Variants in FIG4 observed in about 807,000 individuals in gnomAD.
FIG4 encodes the protein polyphosphoinositide phosphatase.
In FIG4, 112 loss-of-function variants were observed where a neutral mutation model predicts 118.6. That is an observed-to-expected ratio of 0.94 (90% CI 0.81 to 1.11). FIG4 has a LOEUF of 1.11. FIG4 is among the 50% of genes least tolerant of loss of function. The pLI is 0.00. For synonymous variants in FIG4, 369 were observed against 381.2 expected, an observed-to-expected ratio of 0.97 and a Z score of 0.37; for missense variants, 969 against 1,111.7, an observed-to-expected ratio of 0.87 and a Z score of 1.83.
chr6:109,756,435 G>A (rs1262850683), intron 10 of FIG4, among the ~76,000 whole-genome samples: 1 of 151,792 alleles, frequency 6.6e-6, no homozygotes, highest in Non-Finnish European at 1.5e-5. Flanking sequence ...TCTTCTCGAG[G>A]AGTATCTTTG....
intron 5 of FIG4, among the ~76,000 whole-genome samples, chr6:109,734,361 C>A (rs992658396): frequency 6.6e-6 from 1 of 150,906 alleles, no homozygotes; most frequent in Non-Finnish European, 1.5e-5. Context: ...TATATACACA[C>A]ACACACTATA....
At chr6:109,822,912 GTA>G (rs143212020) in intron 22 of FIG4, among the ~76,000 whole-genome samples, 5 of 145,912 alleles carry the variant, frequency 3.4e-5, no homozygotes, top group South Asian at 2.1e-4. Context: ...TAGTGTGTGT[GTA>G]TATATATATA....
chr6:109,700,507 A>G (rs1220977991), intron 1 of FIG4, among the ~76,000 whole-genome samples: 1 of 152,254 alleles, frequency 6.6e-6, no homozygotes, highest in Non-Finnish European at 1.5e-5. Flanking sequence ...TTAGAATGGC[A>G]AAGATTTGCC....
At chr6:109,695,724 A>G (rs556660361) in intron 1 of FIG4, among the ~76,000 whole-genome samples, 290 of 152,222 alleles carry the variant, frequency 1.9e-3, no homozygotes, top group Admixed American at 5.0e-3. Flanking sequence ...TGACTTTAGG[A>G]TCATACTGGT....
chr6:109,799,363 GGT>G (rs148620264), intron 22 of FIG4, among the ~76,000 whole-genome samples: 1,951 of 152,042 alleles, frequency 0.013, 47 homozygotes, highest in African/African-American at 0.045. Flanking sequence ...GTGTTTTTGG[GGT>G]GTGTGTGTGT....
chr6:109,786,660 C>A (rs1777967985), intron 18 of FIG4, among the ~76,000 whole-genome samples: 1 of 152,114 alleles, frequency 6.6e-6, no homozygotes, highest in African/African-American at 2.4e-5. Context: ...GATTTCTCCC[C>A]TTTGATAGGT....
rs563968126 is a variant in FIG4 at position 109,712,519 on chromosome 6, C to T, written c.67-2559C>T. On this transcript the variant is annotated intron_variant, in intron 1 of 22. Coordinates refer to ENST00000230124, the MANE Select transcript of FIG4 (RefSeq NM_014845.6). ...CTTCAAGCTCTGAGATTCTTTCCTC[C>T]GCTTGGTCTGTTCTGCTATTAGTAC... Among the ~76,000 whole-genome samples the T allele has an allele frequency of 1.9e-4, 29 of 152,148 alleles. No individual in the cohort carries two copies. The South Asian group carries it at 2.1e-3, about 11-fold the overall frequency.
At chr6:109,743,543 A>C (rs573760231) in intron 9 of FIG4, 132 bp from the exon 10 acceptor site, 2 of 745,290 alleles carry the variant, frequency 2.7e-6, no homozygotes, top group Non-Finnish European at 4.7e-6. Flanking sequence ...TGAGCATCTT[A>C]AGAAGGATTT....
In FIG4 at chr6:109,786,125, A is replaced by C. The variant is rs118143037; in HGVS notation, c.1949-177A>C. 2.5e-3 allele frequency: 1,494 copies of C among 608,664 alleles called. 33 individuals carry two copies. The East Asian group carries it at 0.041, about 17-fold the overall frequency. The allele number at this position is 608,664 out of a possible 1,614,324, so 37.7% of individuals were successfully genotyped here. Reference sequence around the variant, plus strand: ...CAGCTTTGCATTGTATTTTCTATGCATCTATCTCATCTCCTTTCTAACTGT... The same window carrying C: ...CAGCTTTGCATTGTATTTTCTATGCCTCTATCTCATCTCCTTTCTAACTGT... On this transcript the variant is annotated intron_variant, in intron 17 of 22. Coordinates refer to ENST00000230124, the MANE Select transcript of FIG4 (RefSeq NM_014845.6).
chr6:109,760,676 T>G (rs1273714142), intron 11 of FIG4, among the ~76,000 whole-genome samples: 1 of 152,220 alleles, frequency 6.6e-6, no homozygotes, highest in African/African-American at 2.4e-5. Context: ...GTCTCACTAT[T>G]TAAACACTTT....
intron 18 of FIG4, among the ~76,000 whole-genome samples, chr6:109,787,397 T>A (rs1202132419): frequency 6.6e-6 from 1 of 152,190 alleles, no homozygotes; most frequent in Non-Finnish European, 1.5e-5. Context: ...TTTCAGATAG[T>A]TAGGAACAGT....
At chr6:109,770,287 C>T (rs1489803937) in intron 15 of FIG4, among the ~76,000 whole-genome samples, 1 of 151,686 alleles carries the variant, frequency 6.6e-6, no homozygotes, top group Non-Finnish European at 1.5e-5. Flanking sequence ...GAATTTAAAT[C>T]CTATTATAAA....
chr6:109,740,700 A>G (rs577587258), intron 7 of FIG4, among the ~76,000 whole-genome samples: 1 of 152,276 alleles, frequency 6.6e-6, no homozygotes, highest in South Asian at 2.1e-4. Flanking sequence ...ACAGCCTATT[A>G]AATGACACAT....
In FIG4 at chr6:109,766,762, T is replaced by C. The variant is rs774892781; in HGVS notation, c.1617T>C (p.Asp539=). 2.5e-6 allele frequency: 4 copies of C among 1,614,066 alleles called. No individual in the cohort carries two copies. Among genetic ancestry groups the C allele is most frequent in the Non-Finnish European group, 3.4e-6 (4 of 1,179,924 alleles). The part of the protein sequence containing the change: ...LFEELYEDHG[D]TLSLQYGGSQ... ...AGGAACTCTATGAAGATCATGGTGA[T>C]ACCCTATCCCTTCAGTATGGTGGTT... Residue 539 remains aspartate (D), a synonymous_variant, in exon 15 of 23, where the codon GAT becomes GAC. Coordinates refer to ENST00000230124, the MANE Select transcript of FIG4 (RefSeq NM_014845.6).
chr6:109,791,185 T>G (rs1033307692), intron 19 of FIG4, among the ~76,000 whole-genome samples, 191 bp from the exon 20 acceptor site: 3 of 152,186 alleles, frequency 2.0e-5, no homozygotes, highest in African/African-American at 7.2e-5. Context: ...GGGCTTATAT[T>G]CATATAAGGT....
intron 3 of FIG4, among the ~76,000 whole-genome samples, chr6:109,726,674 A>G (rs1421851763): frequency 6.6e-6 from 1 of 152,196 alleles, no homozygotes; most frequent in African/African-American, 2.4e-5. Flanking sequence ...TGAGAATAGC[A>G]TTGAATCTAT....
intron 21 of FIG4, among the ~76,000 whole-genome samples, chr6:109,795,163 G>T (rs1251385616): frequency 3.3e-5 from 4 of 120,264 alleles, no homozygotes; most frequent in African/African-American, 1.2e-4. Context: ...TGTCGCCCAG[G>T]CGGGACTGTG....
intron 3 of FIG4, among the ~76,000 whole-genome samples, chr6:109,720,949 T>C (rs1256032257): frequency 6.6e-6 from 1 of 152,146 alleles, no homozygotes; most frequent in Admixed American, 6.5e-5. Context: ...TTTTATGTGG[T>C]CCTAGGGCAC....
intron 22 of FIG4, among the ~76,000 whole-genome samples, chr6:109,797,827 C>T (rs1008619586): frequency 4.8e-5 from 7 of 146,286 alleles, no homozygotes; most frequent in East Asian, 2.0e-4. Flanking sequence ...ACTCGGGAGG[C>T]GGAGGTTGCA....
Sources: gnomAD v4.1 joint callset for allele counts (sites outside exome capture counted in the v4.1 genomes callset) on GRCh38, gnomAD v4.1.1 for gene constraint, MANE v1.5 for transcripts, NCBI Gene and HGNC (gene_info 2026-07-23, HGNC 2026-07-21) for gene names.